NEK10: variants seen among roughly 807,000 people sequenced by gnomAD.
NEK10 encodes NIMA related kinase 10.
NEK10 carries 122 observed loss-of-function variants against 159.8 expected under a neutral mutation model. The observed-to-expected ratio is 0.76, with a 90% CI of 0.66 to 0.89. The LOEUF (loss-of-function observed/expected upper bound fraction) is 0.89, where lower values mean the gene tolerates loss of function less well. Ranked by LOEUF, NEK10 falls within the 40% of genes least tolerant of loss-of-function variation. NEK10 has a pLI of 0.00. For missense variants in NEK10, 1,342 were observed against 1,323.1 expected, an observed-to-expected ratio of 1.01 and a Z score of -0.22; for synonymous variants, 466 against 457.1, an observed-to-expected ratio of 1.02 and a Z score of -0.25.
chr3:27,130,580 C>A (rs775209829), intron 32 of NEK10, among the ~76,000 whole-genome samples: 2 of 152,140 alleles, frequency 1.3e-5, no homozygotes, highest in Non-Finnish European at 2.9e-5. Flanking sequence ...CAGTTTGTAG[C>A]AGATGCTTTC....
chr3:27,157,223 G>T (rs1443672116), intron 30 of NEK10, among the ~76,000 whole-genome samples: 2 of 151,476 alleles, frequency 1.3e-5, no homozygotes, highest in Non-Finnish European at 2.9e-5. Context: ...TACAAATATG[G>T]TGCAGTGTAT....
chr3:27,225,493 A>ATCCT (rs1357622135), intron 23 of NEK10, among the ~76,000 whole-genome samples: 7 of 152,348 alleles, frequency 4.6e-5, no homozygotes, highest in South Asian at 2.1e-4. Flanking sequence ...TGCTACATTA[A>ATCCT]AAACCATTAC....
intron 22 of NEK10, among the ~76,000 whole-genome samples, chr3:27,257,829 C>A (rs1305023120): frequency 6.7e-6 from 1 of 148,218 alleles, no homozygotes; most frequent in African/African-American, 2.6e-5. Flanking sequence ...CACTCTGTCA[C>A]CTAGTCTGGA....
rs1367273069 is a variant in NEK10, at chr3:27,109,655, C to T, written c.*1617G>A. 6.6e-6 allele frequency among the ~76,000 whole-genome samples: 1 copy of T among 152,114 alleles called. No homozygotes were observed. The highest frequency in any genetic ancestry group is 1.5e-5 in the Non-Finnish European group (1 of 68,014). On this transcript the variant is annotated 3_prime_UTR_variant, in exon 36 of 36. Transcript: ENST00000691995. ...AGAAGAAATGTGCCCCTTTCATACA[C>T]TGAAAGATAAAAAGAATTATAAGTG...
chr3:27,117,119 C>A (rs1315512394), intron 33 of NEK10, among the ~76,000 whole-genome samples: 1 of 152,122 alleles, frequency 6.6e-6, no homozygotes, highest in South Asian at 2.1e-4. Flanking sequence ...AGGATAATGG[C>A]TTCCAGCTCC....
At chr3:27,189,080 T>A (rs991329794) in intron 26 of NEK10, among the ~76,000 whole-genome samples, 27 of 152,150 alleles carry the variant, frequency 1.8e-4, no homozygotes, top group African/African-American at 6.3e-4. Context: ...ATGATTCTTA[T>A]CATTCTCAAC....
intron 30 of NEK10, among the ~76,000 whole-genome samples, chr3:27,151,232 C>T (rs778257110): frequency 6.6e-6 from 1 of 152,144 alleles, no homozygotes; most frequent in African/African-American, 2.4e-5. Context: ...CACCAAAGAA[C>T]CCTTATGGAG....
intron 22 of NEK10, among the ~76,000 whole-genome samples, chr3:27,284,107 C>T (rs1416359623): frequency 2.6e-5 from 4 of 152,160 alleles, no homozygotes; most frequent in East Asian, 1.9e-4. Context: ...AAAATTTGGC[C>T]GGGCATTGGG....
chr3:27,183,833 A>G (rs1948367283), intron 26 of NEK10, among the ~76,000 whole-genome samples: 1 of 152,194 alleles, frequency 6.6e-6, no homozygotes. Flanking sequence ...AAAATCAAAC[A>G]TAAATGTGCT....
chr3:27,145,927 G>T (rs372138861), intron 30 of NEK10, among the ~76,000 whole-genome samples: 3 of 152,090 alleles, frequency 2.0e-5, no homozygotes, highest in Non-Finnish European at 4.4e-5. Context: ...CCAGAGGGAG[G>T]TGGTCACCCC....
intron 23 of NEK10, among the ~76,000 whole-genome samples, chr3:27,214,360 G>A (rs1951288527): frequency 6.6e-6 from 1 of 152,124 alleles, no homozygotes; most frequent in Non-Finnish European, 1.5e-5. Flanking sequence ...ATTTTACGGA[G>A]CTTGGCTTTT....
intron 33 of NEK10, among the ~76,000 whole-genome samples, chr3:27,116,399 GGT>G (rs200663861): frequency 6.6e-6 from 1 of 151,932 alleles, no homozygotes; most frequent in Non-Finnish European, 1.5e-5. Context: ...TAAAGTTAGA[GGT>G]GTGTGTGTGT....
chr3:27,291,016 T>C (rs2042958642), intron 18 of NEK10, among the ~76,000 whole-genome samples: 1 of 152,256 alleles, frequency 6.6e-6, no homozygotes, highest in Admixed American at 6.5e-5. Context: ...AGAAACTATT[T>C]TGAATACCTT....
chr3:27,213,502 A>G (rs1212699931), intron 23 of NEK10, among the ~76,000 whole-genome samples: 1 of 152,004 alleles, frequency 6.6e-6, no homozygotes, highest in African/African-American at 2.4e-5. Flanking sequence ...CCAATATATG[A>G]CTCCTAGGTT....
chr3:27,338,138 C>T (rs977569724), intron 5 of NEK10, among the ~76,000 whole-genome samples: 2 of 152,156 alleles, frequency 1.3e-5, no homozygotes, highest in Non-Finnish European at 2.9e-5. Context: ...CTCCCTGTGT[C>T]CATGTATTCT....
At chr3:27,200,073 T>C (rs908517557) in intron 25 of NEK10, among the ~76,000 whole-genome samples, 13 of 152,150 alleles carry the variant, frequency 8.5e-5, no homozygotes, top group Non-Finnish European at 1.8e-4. Flanking sequence ...CAAGTTTACC[T>C]TGTATAACAA....
intron 6 of NEK10, among the ~76,000 whole-genome samples, chr3:27,319,953 A>C (rs2045500395): frequency 6.6e-6 from 1 of 152,182 alleles, no homozygotes. Flanking sequence ...AAAGGAACAG[A>C]TACCCATGAA....
rs775843715 is a variant in NEK10, at chr3:27,136,103, A to ATTTTTTTTTTTTTTTTTTTT, written c.2971-4133_2971-4114dup. On this transcript the variant is annotated intron_variant, in intron 31 of 35. Coordinates refer to ENST00000691995, the MANE Select transcript of NEK10 (RefSeq NM_001394966.1). ...GGCTTGCCTGTTCTCTAGGAGATCG[A>ATTTTTTTTTTTTTTTTTTTT]TTTTTTTTTTTTTTTTTTTTTTTTT... 1.3e-4 allele frequency among the ~76,000 whole-genome samples: 8 copies of ATTTTTTTTTTTTTTTTTTTT among 60,680 alleles called. 2 individuals carry two copies. Among genetic ancestry groups the ATTTTTTTTTTTTTTTTTTTT allele is most frequent in the Non-Finnish European group, 1.9e-4 (6 of 32,034 alleles). The allele number at this position is 60,680 out of a possible 152,430, so 39.8% of individuals were successfully genotyped here.
chr3:27,363,975 A>T (rs75641522), intron 1 of NEK10: 1 of 152,122 alleles, frequency 6.6e-6, no homozygotes, highest in Non-Finnish European at 1.5e-5. Flanking sequence ...AAATAACAAC[A>T]TGCCTATGAC....
Sources: allele counts gnomAD v4.1 joint callset (sites outside exome capture counted in the v4.1 genomes callset), GRCh38; gene constraint gnomAD v4.1.1; transcripts MANE v1.5; gene names NCBI Gene and HGNC (gene_info 2026-07-23, HGNC 2026-07-21).